The following EPYC variants were observed in gnomAD, a reference collection of about 807,000 sequenced individuals.
EPYC encodes dermatan sulfate proteoglycan 3.
Under a neutral mutation model 30.1 loss-of-function variants are expected in EPYC, and 28 were observed. The observed-to-expected ratio is 0.93, with a 90% confidence interval of 0.69 to 1.28. EPYC has a LOEUF of 1.28. Ranked by LOEUF, EPYC falls within the 50% of genes most tolerant of loss-of-function variation. The pLI, the probability that EPYC is intolerant of heterozygous loss-of-function variation, is 0.00. For synonymous variants in EPYC, 144 were observed against 141.4 expected (o/e 1.02, Z -0.13); for missense variants, 382 against 383.5 (o/e 1.00, Z 0.03).
At chr12:91,000,299 C>T (rs12310609) in intron 2 of EPYC, among the ~76,000 whole-genome samples, 2,606 of 152,130 alleles carry the variant, frequency 0.017, 64 homozygotes, top group African/African-American at 0.058. Context: ...TATGTAAAGA[C>T]GCAATGCTTT....
At chr12:91,000,437 G>C (rs752542458) in intron 2 of EPYC, among the ~76,000 whole-genome samples, 2 of 152,044 alleles carry the variant, frequency 1.3e-5, no homozygotes, top group Non-Finnish European at 2.9e-5. Flanking sequence ...TAAATTTCTT[G>C]ATGTCATGAA....
chr12:90,983,209 T>C (rs947396537), intron 2 of EPYC, among the ~76,000 whole-genome samples: 11 of 152,264 alleles, frequency 7.2e-5, no homozygotes, highest in African/African-American at 2.4e-4. Flanking sequence ...ATCTCCAGAA[T>C]AGAGATACTG....
intron 5 of EPYC, among the ~76,000 whole-genome samples, chr12:90,971,035 G>T (rs1380579151): frequency 5.9e-5 from 9 of 152,124 alleles, no homozygotes; most frequent in Admixed American, 5.9e-4. Flanking sequence ...AATCTCTAAG[G>T]CTAACTGAAT....
intron 2 of EPYC, among the ~76,000 whole-genome samples, chr12:90,999,648 A>G (rs1194035227): frequency 6.6e-6 from 1 of 152,120 alleles, no homozygotes; most frequent in Non-Finnish European, 1.5e-5. Context: ...ACCTTAATAT[A>G]TAAAAATGAG....
At position 90,964,052 on chromosome 12, in the gene EPYC, C is replaced by T. The variant is rs746696671; in HGVS notation, c.*104G>A. On this transcript the variant is annotated 3_prime_UTR_variant, in exon 7 of 7. Transcript: ENST00000261172. ...TGTATTTTATGTAGTCATATCATCTCTCAGAACACAATCTCAAAGTATCAT... is the reference window on the plus strand; with the variant it reads ...TGTATTTTATGTAGTCATATCATCTTTCAGAACACAATCTCAAAGTATCAT... 28 of 899,288 alleles carry T rather than the reference C, an allele frequency of 3.1e-5. No individual in the cohort carries two copies. The highest frequency in any genetic ancestry group is 4.2e-5 in the Non-Finnish European group (25 of 596,114). The allele number at this position is 899,288 out of a possible 1,614,324, so 55.7% of individuals were successfully genotyped here.
chr12:90,964,638 T>C (rs1214682634), intron 6 of EPYC, among the ~76,000 whole-genome samples: 1 of 152,058 alleles, frequency 6.6e-6, no homozygotes, highest in African/African-American at 2.4e-5. Flanking sequence ...TGAAAAGTTA[T>C]CTTTAGAGGT....
In EPYC at chr12:90,964,140, T is replaced by C. The variant is rs770735002; in HGVS notation, c.*16A>G. 6.2e-7 allele frequency: 1 copy of C among 1,604,220 alleles called. No homozygotes were observed. The highest frequency in any genetic ancestry group is 8.5e-7 in the Non-Finnish European group (1 of 1,173,252). ...TTATTTATAGTAGCCATCGTAATGCTAACCATTATCTGAAATTAGACAAGG... is the reference window on the plus strand; with the variant it reads ...TTATTTATAGTAGCCATCGTAATGCCAACCATTATCTGAAATTAGACAAGG... On this transcript the variant is annotated 3_prime_UTR_variant, in exon 7 of 7. Transcript: ENST00000261172.
intron 2 of EPYC, among the ~76,000 whole-genome samples, chr12:90,981,513 T>C (rs1877325164): frequency 6.6e-6 from 1 of 152,174 alleles, no homozygotes; most frequent in South Asian, 2.1e-4. Context: ...ATTATCTCTG[T>C]AAAAACACTC....
intron 2 of EPYC, among the ~76,000 whole-genome samples, chr12:90,984,433 G>A (rs1212177810): frequency 6.6e-6 from 1 of 152,096 alleles, no homozygotes; most frequent in East Asian, 1.9e-4. Flanking sequence ...AAGCCATTGA[G>A]ACCAATTTGA....
In EPYC at chr12:90,971,794, A is replaced by C. The variant is rs780834444; in HGVS notation, c.702+6T>G. On this transcript the variant is annotated splice_donor_region_variant and intron_variant, in intron 5 of 6. Transcript: ENST00000261172. The stretch of plus-strand genomic sequence containing the variant: ...TAAAAGTCTGCATATCAAACTTAAA[A>C]CTTACTTTAAATGCTTCTTGCTTTA... 23 of 1,556,526 alleles carry C rather than the reference A, an allele frequency of 1.5e-5. No individual in the cohort carries two copies. The highest frequency in any genetic ancestry group is 2.0e-5 in the Non-Finnish European group (23 of 1,152,328).
At chr12:90,979,595 C>T (rs1877276164) in intron 2 of EPYC, among the ~76,000 whole-genome samples, 2 of 152,094 alleles carry the variant, frequency 1.3e-5, no homozygotes, top group Admixed American at 6.6e-5. Flanking sequence ...GAACACTAAA[C>T]TTTCTTTTAT....
intron 2 of EPYC, among the ~76,000 whole-genome samples, chr12:90,980,301 C>T (rs186454037): frequency 6.6e-6 from 1 of 152,128 alleles, no homozygotes; most frequent in Admixed American, 6.6e-5. Flanking sequence ...CACTTGTCAT[C>T]CAATATAATG....
intron 1 of EPYC, among the ~76,000 whole-genome samples, chr12:91,004,558 A>T (rs552037126): frequency 1.3e-5 from 2 of 152,088 alleles, no homozygotes; most frequent in Non-Finnish European, 2.9e-5. Context: ...TCATTACAAT[A>T]CTTTTAATCT....
chr12:90,997,495 C>G (rs752896300), intron 2 of EPYC, among the ~76,000 whole-genome samples: 44 of 152,000 alleles, frequency 2.9e-4, no homozygotes, highest in Non-Finnish European at 5.6e-4. Context: ...CCCCTCCAAC[C>G]TAAGCAAAAT....
At chr12:90,997,386 G>T (rs1339801562) in intron 2 of EPYC, among the ~76,000 whole-genome samples, 4 of 152,012 alleles carry the variant, frequency 2.6e-5, no homozygotes, top group Non-Finnish European at 5.9e-5. Context: ...TCCTTCTATA[G>T]AGCCTCTATA....
rs749681983 is a variant in EPYC at position 91,002,403 on chromosome 12, C to G, written c.163G>C (p.Glu55Gln). The G allele has an allele frequency of 6.2e-7, 1 of 1,610,748 alleles. No individual in the cohort carries two copies. Among genetic ancestry groups the G allele is most frequent in the South Asian group, 1.1e-5 (1 of 90,334 alleles). ...NYENIPVDKV[E>Q]IEIATVMPSG... ...TCAAGAGTAGGAGGATCGATTACCT[C>G]AACTTTATCAACAGGTATGTTTTCA... The change falls in exon 2 of 7, where the codon GAG (glutamate) becomes CAG (glutamine). Residue 55 changes from glutamate to glutamine, a missense_variant and splice_region_variant. Transcript: ENST00000261172.
intron 2 of EPYC, among the ~76,000 whole-genome samples, chr12:90,985,865 G>A (rs1877436667): frequency 6.6e-6 from 1 of 152,048 alleles, no homozygotes; most frequent in African/African-American, 2.4e-5. Context: ...AACCATTGAA[G>A]GCCAGGAAAT....
chr12:90,977,394 C>T (rs530016838), intron 3 of EPYC, among the ~76,000 whole-genome samples: 1 of 152,210 alleles, frequency 6.6e-6, no homozygotes, highest in South Asian at 2.1e-4. Flanking sequence ...ATCTGCAGGC[C>T]ATGCAACATG....
chr12:90,983,050 T>C (rs1057114735), intron 2 of EPYC, among the ~76,000 whole-genome samples: 1 of 152,190 alleles, frequency 6.6e-6, no homozygotes, highest in African/African-American at 2.4e-5. Flanking sequence ...TGTAATTTTT[T>C]AAGGAAACTT....
Sources: gnomAD v4.1 joint callset for allele counts (sites outside exome capture counted in the v4.1 genomes callset) on GRCh38, gnomAD v4.1.1 for gene constraint, MANE v1.5 for transcripts, NCBI Gene and HGNC (gene_info 2026-07-23, HGNC 2026-07-21) for gene names.